The following CCDC68 variants were observed in gnomAD, a reference collection of about 807,000 sequenced individuals.
CCDC68 encodes the protein coiled-coil domain-containing protein 68.
In CCDC68, 45 loss-of-function variants were observed where a neutral mutation model predicts 47.1. The ratio of observed to expected loss-of-function variants is 0.96; its 90% CI spans 0.75 to 1.23. The LOEUF (loss-of-function observed/expected upper bound fraction) is 1.23, where lower values mean the gene tolerates loss of function less well. CCDC68 is among the 50% of genes most tolerant of loss of function. The probability of loss-of-function intolerance (pLI) is 0.00; values close to 1 mark genes in which losing one functional copy is unlikely to be tolerated. For missense variants in CCDC68, 353 were observed against 373.6 expected (o/e 0.94, Z 0.45); for synonymous variants, 131 against 129.5 (o/e 1.01, Z -0.08).
intron 1 of CCDC68, among the ~76,000 whole-genome samples, chr18:54,948,292 C>T (rs2044559047): frequency 1.3e-5 from 2 of 151,988 alleles, no homozygotes; most frequent in African/African-American, 4.8e-5. Flanking sequence ...ATGAGAACAC[C>T]GAATGCCCTG....
intron 1 of CCDC68, among the ~76,000 whole-genome samples, chr18:54,957,319 G>A (rs1599112396): frequency 6.6e-6 from 1 of 152,306 alleles, no homozygotes. Flanking sequence ...AAGGAAATAT[G>A]TGATTTGAAA....
chr18:54,928,590 G>T lies in CCDC68; in HGVS notation c.683+210C>A, dbSNP rs558105164. ...TGCACCCCCAGTGAACTCTGCCCCC[G>T]GCTCCCAACTGCCCTGTGATTCCTC... On this transcript the variant is annotated intron_variant, in intron 8 of 11. Transcript: ENST00000591504. 2.0e-5 allele frequency among the ~76,000 whole-genome samples: 3 copies of T among 152,236 alleles called. No homozygotes were observed. In the South Asian group the frequency reaches 6.2e-4, roughly 32 times the overall value.
At chr18:54,941,153 G>A in intron 3 of CCDC68, 70 bp from the exon 4 acceptor site, 1 of 960,208 alleles carries the variant, frequency 1.0e-6, no homozygotes, top group Admixed American at 1.9e-5. Flanking sequence ...CTCAATACCA[G>A]TTACAGGGTA....
chr18:54,910,548 A>T (rs1303883585), intron 10 of CCDC68, among the ~76,000 whole-genome samples: 5 of 152,220 alleles, frequency 3.3e-5, no homozygotes, highest in African/African-American at 1.2e-4. Flanking sequence ...GGCCCCCAGC[A>T]TTCAGACCCT....
chr18:54,913,249 G>A (rs1301771105), intron 10 of CCDC68, among the ~76,000 whole-genome samples: 1 of 152,196 alleles, frequency 6.6e-6, no homozygotes, highest in Non-Finnish European at 1.5e-5. Context: ...TACGTAGCAT[G>A]ACTAAACAGA....
intron 1 of CCDC68, among the ~76,000 whole-genome samples, chr18:54,953,012 CAAA>C (rs917825888): frequency 7.5e-6 from 1 of 133,000 alleles, no homozygotes. Context: ...GACTCTGTTT[CAAA>C]AAAAAAAAAG....
At position 54,937,994 on chromosome 18, in the gene CCDC68, A is replaced by G. The variant is rs368735815; in HGVS notation, c.308T>C (p.Leu103Ser). The G allele has an allele frequency of 3.1e-6, 5 of 1,613,066 alleles. No individual in the cohort carries two copies. In the East Asian group the frequency reaches 8.9e-5, roughly 29 times the overall value. The stretch of plus-strand genomic sequence containing the variant: ...TACTTCATTCTCTTTGTTCATTTCT[A>G]AGAGCTGTAGGTCTTTTCCTTTTAT... ...KKIKGKDLQL[L>S]EMNKENEVLK... The change falls in exon 5 of 12, where the codon TTA (leucine) becomes TCA (serine). Residue 103 changes from leucine (L) to serine (S), a missense_variant. By Grantham distance (145) the Leu-to-Ser change is moderately radical. Transcript: ENST00000591504.
At chr18:54,911,713 C>T (rs1914381118) in intron 10 of CCDC68, among the ~76,000 whole-genome samples, 1 of 152,186 alleles carries the variant, frequency 6.6e-6, no homozygotes, top group African/African-American at 2.4e-5. Flanking sequence ...GAAACACACT[C>T]CCTTGATGAC....
chr18:54,948,473 A>C (rs1394847987), intron 1 of CCDC68, among the ~76,000 whole-genome samples: 1 of 152,164 alleles, frequency 6.6e-6, no homozygotes, highest in East Asian at 1.9e-4. Context: ...TCTAGAACTG[A>C]GAGATGATCC....
At chr18:54,909,990 G>A (rs1914258142) in intron 10 of CCDC68, among the ~76,000 whole-genome samples, 1 of 152,238 alleles carries the variant, frequency 6.6e-6, no homozygotes. Context: ...GGCATCCAGT[G>A]GGTCCTGAGT....
intron 7 of CCDC68, among the ~76,000 whole-genome samples, chr18:54,929,213 G>A (rs904249891): frequency 1.3e-5 from 2 of 152,008 alleles, no homozygotes; most frequent in East Asian, 1.9e-4. Context: ...CCCATCTCTC[G>A]CTAGACCCTG....
intron 7 of CCDC68, among the ~76,000 whole-genome samples, chr18:54,929,426 T>C (rs1179442924): frequency 6.6e-6 from 1 of 152,238 alleles, no homozygotes; most frequent in African/African-American, 2.4e-5. Flanking sequence ...AATTTTATGA[T>C]GCTAGGAAAG....
intron 8 of CCDC68, among the ~76,000 whole-genome samples, chr18:54,920,394 C>T (rs747855904): frequency 1.3e-5 from 2 of 152,136 alleles, no homozygotes; most frequent in African/African-American, 2.4e-5. Flanking sequence ...GCATGCACCA[C>T]CACACCTGGC....
intron 1 of CCDC68, among the ~76,000 whole-genome samples, chr18:54,952,135 T>C (rs1365390240): frequency 1.3e-5 from 2 of 152,232 alleles, no homozygotes; most frequent in Non-Finnish European, 2.9e-5. Flanking sequence ...CACTATTCTT[T>C]CCTTAACCCA....
intron 9 of CCDC68, 68 bp from the exon 10 acceptor site, chr18:54,918,064 A>G: frequency 1.5e-6 from 1 of 673,188 alleles, no homozygotes; most frequent in Non-Finnish European, 2.5e-6. Context: ...TAAGTCAGAA[A>G]TTGTATGGAT....
intron 11 of CCDC68, among the ~76,000 whole-genome samples, chr18:54,905,362 AGG>A (rs1913930336): frequency 1.6e-5 from 1 of 61,774 alleles, no homozygotes; most frequent in Admixed American, 1.5e-4. Context: ...TAGGGGAGGA[AGG>A]GGAGAGAAAG....
chr18:54,907,856 CT>C lies in CCDC68; in HGVS notation c.879del (p.Glu294AsnfsTer2). On this transcript the variant is annotated frameshift_variant, in exon 11 of 12. Transcript: ENST00000591504. LOFTEE classifies it high-confidence loss of function. ...GAAAGTGCTACCTGGGTTTTTAGTTCTTTATTCTAAAATTGAAAAAAAATGC... is the reference window on the plus strand; with the variant it reads ...GAAAGTGCTACCTGGGTTTTTAGTTCTTATTCTAAAATTGAAAAAAAATGC... ...EKVNILEAQN[K>X]ELKTQVALSS... 1 of 1,590,586 alleles carries C rather than the reference CT, an allele frequency of 6.3e-7. No homozygotes were observed. Among genetic ancestry groups the C allele is most frequent in the Non-Finnish European group, 8.6e-7 (1 of 1,158,868 alleles).
chr18:54,951,291 C>T (rs1568164652), intron 1 of CCDC68, among the ~76,000 whole-genome samples: 1 of 152,102 alleles, frequency 6.6e-6, no homozygotes, highest in Non-Finnish European at 1.5e-5. Context: ...AAGCTTCAGC[C>T]AATGTTCAGT....
At chr18:54,915,799 T>C (rs953843967) in intron 10 of CCDC68, among the ~76,000 whole-genome samples, 10 of 151,940 alleles carry the variant, frequency 6.6e-5, no homozygotes, top group Non-Finnish European at 1.5e-4. Flanking sequence ...TGACATGGTG[T>C]GCGCCTGTAA....
Sources: gnomAD v4.1 joint callset for allele counts (sites outside exome capture counted in the v4.1 genomes callset) on GRCh38, gnomAD v4.1.1 for gene constraint, MANE v1.5 for transcripts, NCBI Gene and HGNC (gene_info 2026-07-23, HGNC 2026-07-21) for gene names.